The following CREB5 variants were observed in gnomAD, a reference collection of about 807,000 sequenced individuals.
CREB5 encodes cyclic AMP-responsive element-binding protein 5.
A neutral mutation model predicts 57.1 loss-of-function variants in CREB5; 19 were observed. That is an observed-to-expected ratio of 0.33 (90% CI 0.23 to 0.49). The LOEUF (loss-of-function observed/expected upper bound fraction) is 0.49. Ranked by LOEUF, CREB5 falls within the 20% of genes least tolerant of loss-of-function variation. The pLI is 0.99. For synonymous variants in CREB5, 238 were observed against 238.3 expected, an observed-to-expected ratio of 1.00 and a Z score of 0.01; for missense variants, 579 against 671.6, an observed-to-expected ratio of 0.86 and a Z score of 1.52.
intron 1 of CREB5, among the ~76,000 whole-genome samples, chr7:28,448,125 G>A (rs919441193): frequency 6.6e-6 from 1 of 152,166 alleles, no homozygotes; most frequent in South Asian, 2.1e-4. Flanking sequence ...GCAGAAAAAC[G>A]TGAAAAGGAG....
intron 5 of CREB5, among the ~76,000 whole-genome samples, chr7:28,590,649 C>T (rs993017098): frequency 1.3e-5 from 2 of 148,446 alleles, no homozygotes; most frequent in African/African-American, 2.5e-5. Flanking sequence ...GCACGTTGTG[C>T]GCATGTACCC....
intron 7 of CREB5, among the ~76,000 whole-genome samples, chr7:28,766,943 C>G (rs1328203100): frequency 6.6e-6 from 1 of 152,204 alleles, no homozygotes; most frequent in African/African-American, 2.4e-5. Flanking sequence ...GGAGTAAGGA[C>G]AGGTCATCTG....
At chr7:28,426,338 C>A (rs980649552) in intron 1 of CREB5, among the ~76,000 whole-genome samples, 2 of 152,238 alleles carry the variant, frequency 1.3e-5, no homozygotes, top group South Asian at 4.1e-4. Context: ...TGAGCTCATA[C>A]TCTGTCCATT....
At chr7:28,701,875 TACTTA>T (rs991880407) in intron 5 of CREB5, among the ~76,000 whole-genome samples, 19 of 152,290 alleles carry the variant, frequency 1.2e-4, no homozygotes, top group Non-Finnish European at 1.6e-4. Flanking sequence ...AAAAGAGAAA[TACTTA>T]ACTTAATAAA....
At chr7:28,801,414 A>G (rs1456337948) in intron 7 of CREB5, among the ~76,000 whole-genome samples, 1 of 152,126 alleles carries the variant, frequency 6.6e-6, no homozygotes, top group Non-Finnish European at 1.5e-5. Flanking sequence ...ACCTCTTTTC[A>G]TATTTTTTCA....
At chr7:28,710,429 C>T (rs923917795) in intron 5 of CREB5, among the ~76,000 whole-genome samples, 1 of 152,278 alleles carries the variant, frequency 6.6e-6, no homozygotes, top group East Asian at 1.9e-4. Flanking sequence ...AACAGGTAGA[C>T]ATAATATCAG....
chr7:28,783,400 A>C lies in CREB5; in HGVS notation c.703-20799A>C, dbSNP rs1009920661. On this transcript the variant is annotated intron_variant, in intron 7 of 10. Coordinates refer to ENST00000357727, the MANE Select transcript of CREB5 (RefSeq NM_182898.4). The stretch of plus-strand genomic sequence containing the variant: ...TCACTTATTCTATAATAAATTCTGC[A>C]TGACAATTAGTATTATAGTTTTGTC... Among the ~76,000 whole-genome samples, 3 of 152,310 alleles carry C rather than the reference A, an allele frequency of 2.0e-5. No homozygotes were observed. The South Asian group carries it at 6.2e-4, about 32-fold the overall frequency.
chr7:28,503,778 T>C (rs1792368217), intron 3 of CREB5, among the ~76,000 whole-genome samples: 2 of 152,142 alleles, frequency 1.3e-5, no homozygotes, highest in African/African-American at 4.8e-5. Flanking sequence ...GAGGATGGCA[T>C]AGGCATGGGA....
At chr7:28,598,273 A>G (rs1216361398) in intron 5 of CREB5, among the ~76,000 whole-genome samples, 2 of 152,098 alleles carry the variant, frequency 1.3e-5, no homozygotes, top group Non-Finnish European at 2.9e-5. Flanking sequence ...ACCATGCAAG[A>G]AGTGCTTTTT....
At chr7:28,645,129 T>C (rs1447333010) in intron 5 of CREB5, among the ~76,000 whole-genome samples, 2 of 152,160 alleles carry the variant, frequency 1.3e-5, no homozygotes, top group Admixed American at 1.3e-4. Context: ...AGCCTTCAGC[T>C]GAGTAATAAA....
intron 3 of CREB5, among the ~76,000 whole-genome samples, chr7:28,495,958 A>T (rs558837501): frequency 6.6e-6 from 1 of 152,352 alleles, no homozygotes; most frequent in East Asian, 1.9e-4. Context: ...TTTGAGAGGT[A>T]GTACGGCAAA....
chr7:28,443,719 C>T (rs911007621), intron 1 of CREB5, among the ~76,000 whole-genome samples: 1 of 152,280 alleles, frequency 6.6e-6, no homozygotes, highest in African/African-American at 2.4e-5. Context: ...CCCACTTAAC[C>T]CCTCTCCTCC....
intron 8 of CREB5, among the ~76,000 whole-genome samples, chr7:28,806,017 A>T (rs1808708576): frequency 6.6e-6 from 1 of 152,208 alleles, no homozygotes; most frequent in South Asian, 2.1e-4. Context: ...AAAGAAAAAA[A>T]AAAACTACAA....
At chr7:28,745,281 G>A (rs1011314813) in intron 7 of CREB5, among the ~76,000 whole-genome samples, 7 of 152,338 alleles carry the variant, frequency 4.6e-5, no homozygotes, top group East Asian at 1.9e-4. Flanking sequence ...GAAGGAATAC[G>A]AAGGTGTCCT....
intron 7 of CREB5, among the ~76,000 whole-genome samples, chr7:28,756,570 A>AC (rs1554296239): frequency 1.8e-4 from 27 of 151,302 alleles, no homozygotes; most frequent in Admixed American, 1.8e-3. Flanking sequence ...AAAAAAAAAA[A>AC]CAGCACATTG....
At chr7:28,781,194 G>C (rs955345728) in intron 7 of CREB5, among the ~76,000 whole-genome samples, 1 of 152,126 alleles carries the variant, frequency 6.6e-6, no homozygotes, top group Non-Finnish European at 1.5e-5. Context: ...AAGCCATTTG[G>C]ACAGATCTGT....
At chr7:28,378,069 A>G (rs576615364) in intron 1 of CREB5, among the ~76,000 whole-genome samples, 29 of 152,278 alleles carry the variant, frequency 1.9e-4, no homozygotes, top group Non-Finnish European at 1.8e-4. Flanking sequence ...TAGTGGCACA[A>G]TTATACCATT....
At chr7:28,756,359 C>A (rs548702552) in intron 7 of CREB5, among the ~76,000 whole-genome samples, 2 of 152,114 alleles carry the variant, frequency 1.3e-5, no homozygotes, top group East Asian at 1.9e-4. Context: ...TCGAGACCAG[C>A]CTGAGCACCA....
At chr7:28,581,804 T>C (rs1377507465) in intron 5 of CREB5, among the ~76,000 whole-genome samples, 1 of 152,124 alleles carries the variant, frequency 6.6e-6, no homozygotes, top group Admixed American at 6.5e-5. Flanking sequence ...CCGGGTGACC[T>C]CACTAGAAGC....
Sources: allele counts gnomAD v4.1 joint callset (sites outside exome capture counted in the v4.1 genomes callset), GRCh38; gene constraint gnomAD v4.1.1; transcripts MANE v1.5; gene names NCBI Gene and HGNC (gene_info 2026-07-23, HGNC 2026-07-21).